Variants in ARHGAP44 observed in about 807,000 individuals in gnomAD.
ARHGAP44 encodes Rho GTPase activating protein 44.
Under a neutral mutation model 106.8 loss-of-function variants are expected in ARHGAP44, and 43 were observed. That is an observed-to-expected ratio of 0.40 (90% confidence interval 0.32 to 0.52). The LOEUF (loss-of-function observed/expected upper bound fraction) is 0.52. Ranked by LOEUF, ARHGAP44 falls within the 20% of genes least tolerant of loss-of-function variation. ARHGAP44 has a pLI of 0.48. For missense variants in ARHGAP44, 866 were observed against 1,050.5 expected (o/e 0.82, Z 2.43); for synonymous variants, 439 against 410.3 (o/e 1.07, Z -0.85).
intron 1 of ARHGAP44, among the ~76,000 whole-genome samples, chr17:12,798,168 C>T (rs936547040): frequency 1.1e-4 from 17 of 152,102 alleles, no homozygotes; most frequent in Non-Finnish European, 2.9e-5. Flanking sequence ...GTATTTTCCT[C>T]TCTGGTGGTT....
intron 18 of ARHGAP44, among the ~76,000 whole-genome samples, chr17:12,979,160 T>C (rs981639434): frequency 6.6e-6 from 1 of 152,180 alleles, no homozygotes; most frequent in African/African-American, 2.4e-5. Context: ...ACCTGGAGAA[T>C]TTTCTTGGAA....
In ARHGAP44 at chr17:12,950,880, T is replaced by C. The variant is rs531624097; in HGVS notation, c.1055+1150T>C. ...CAACAACACCATGAGGAACAGGTGTTGTTTCTCATTACCTGTCAGGAACAA... is the reference window on the plus strand; with the variant it reads ...CAACAACACCATGAGGAACAGGTGTCGTTTCTCATTACCTGTCAGGAACAA... On this transcript the variant is annotated intron_variant, in intron 12 of 20. Transcript: ENST00000379672. Among the ~76,000 whole-genome samples, 8 of 152,272 alleles carry C rather than the reference T, an allele frequency of 5.3e-5. No homozygotes were observed. In the South Asian group the frequency reaches 1.5e-3, roughly 28 times the overall value.
At chr17:12,955,690 G>A (rs993816384) in intron 13 of ARHGAP44, 177 bp from the exon 14 acceptor site, 4 of 534,700 alleles carry the variant, frequency 7.5e-6, no homozygotes, top group African/African-American at 5.7e-5. Flanking sequence ...GCCTGTTTTT[G>A]GAAAGAGGAT....
intron 7 of ARHGAP44, among the ~76,000 whole-genome samples, chr17:12,937,577 G>A (rs1303688383): frequency 6.6e-6 from 1 of 152,040 alleles, no homozygotes; most frequent in African/African-American, 2.4e-5. Context: ...CAATTTTCAG[G>A]GCAGCAGTTT....
chr17:12,959,549 T>C (rs931913786), intron 16 of ARHGAP44, among the ~76,000 whole-genome samples: 1 of 152,204 alleles, frequency 6.6e-6, no homozygotes, highest in African/African-American at 2.4e-5. Context: ...ATGATTCCCA[T>C]AGCAAGTAAG....
chr17:12,841,639 C>CACACACACAAAAAAAAAA (rs1555546108), intron 1 of ARHGAP44, among the ~76,000 whole-genome samples: 2 of 137,470 alleles, frequency 1.5e-5, no homozygotes, highest in African/African-American at 2.9e-5. Flanking sequence ...CACACACACA[C>CACACACACAAAAAAAAAA]AAACAAACAA....
At chr17:12,943,490 C>T (rs573960527) in intron 8 of ARHGAP44, 98 bp from the exon 9 acceptor site, 18 of 1,068,540 alleles carry the variant, frequency 1.7e-5, no homozygotes, top group East Asian at 7.2e-5. Flanking sequence ...TACCTCCTTC[C>T]GCATGTGGAA....
At chr17:12,800,293 C>T (rs1385956914) in intron 1 of ARHGAP44, among the ~76,000 whole-genome samples, 1 of 152,222 alleles carries the variant, frequency 6.6e-6, no homozygotes, top group African/African-American at 2.4e-5. Context: ...GAAGGCAGCA[C>T]CTTGAGGTAT....
chr17:12,943,960 C>A, intron 9 of ARHGAP44, 109 bp from the exon 10 acceptor site: 1 of 1,397,170 alleles, frequency 7.2e-7, no homozygotes, highest in Non-Finnish European at 9.5e-7. Context: ...AATTGGGCCT[C>A]CCTCTCTTTG....
chr17:12,916,173 A>T (rs1250184164), intron 5 of ARHGAP44, among the ~76,000 whole-genome samples, 162 bp downstream of exon 5: 1 of 152,094 alleles, frequency 6.6e-6, no homozygotes, highest in Admixed American at 6.6e-5. Flanking sequence ...AAGATTCCCA[A>T]ATATGTCCTT....
At chr17:12,907,652 C>A (rs893384180) in intron 3 of ARHGAP44, among the ~76,000 whole-genome samples, 2 of 152,152 alleles carry the variant, frequency 1.3e-5, no homozygotes, top group African/African-American at 4.8e-5. Context: ...TGCAGCATTC[C>A]CTTTTTCATG....
chr17:12,851,730 T>C (rs56657401), intron 1 of ARHGAP44, among the ~76,000 whole-genome samples: 51,001 of 151,978 alleles, frequency 0.34, 10,664 homozygotes, highest in African/African-American at 0.59. Context: ...CCACTGCGCC[T>C]GGCCTGTCTT....
At chr17:12,938,239 T>A (rs1375334787) in intron 7 of ARHGAP44, among the ~76,000 whole-genome samples, 1 of 152,200 alleles carries the variant, frequency 6.6e-6, no homozygotes, top group Non-Finnish European at 1.5e-5. Flanking sequence ...TGAGAAGAGT[T>A]AATATTATAA....
Position 12,810,726 on chromosome 17 carries a change from G to A in ARHGAP44, c.53+20835G>A, listed in dbSNP as rs75225186. Among the ~76,000 whole-genome samples, 73 of 152,236 alleles carry A rather than the reference G, an allele frequency of 4.8e-4. 2 individuals carry two copies. The East Asian group carries it at 0.014, about 28-fold the overall frequency. ...CCTGCAATTCCACGAGGAATCCCCT[G>A]CTCTCCACCCCAGACCTTTCCCTGT... On this transcript the variant is annotated intron_variant, in intron 1 of 20. Transcript: ENST00000379672.
At chr17:12,890,521 G>T (rs562768499) in intron 1 of ARHGAP44, among the ~76,000 whole-genome samples, 1 of 152,166 alleles carries the variant, frequency 6.6e-6, no homozygotes, top group South Asian at 2.1e-4. Flanking sequence ...GTGAACCCAT[G>T]GAAGGCATCT....
In ARHGAP44 at chr17:12,933,381, A is replaced by T. The variant is rs144030063; in HGVS notation, c.582+4335A>T. ...TTTGGGAACCAGAGAGATTTAGCCC[A>T]CCAGGAAAACCAAGTCAAGATGTGT... On this transcript the variant is annotated intron_variant, in intron 7 of 20. Transcript: ENST00000379672. Among the ~76,000 whole-genome samples, 868 of 152,292 alleles carry T rather than the reference A, an allele frequency of 5.7e-3. 3 individuals carry two copies. The highest frequency in any genetic ancestry group is 0.017 in the Middle Eastern group (5 of 294).
At chr17:12,823,384 C>T (rs977569867) in intron 1 of ARHGAP44, among the ~76,000 whole-genome samples, 1 of 152,116 alleles carries the variant, frequency 6.6e-6, no homozygotes, top group African/African-American at 2.4e-5. Flanking sequence ...TTTTTACTTT[C>T]CTCAAACTTC....
Position 12,789,784 on chromosome 17 carries a change from T to C in ARHGAP44, c.-55T>C, listed in dbSNP as rs2033676343. 3.4e-6 allele frequency: 5 copies of C among 1,450,882 alleles called. No individual in the cohort carries two copies. In the Admixed American group the frequency reaches 1.2e-4, roughly 34 times the overall value. 89.9% of individuals were successfully genotyped at this position (1,450,882 alleles called of 1,614,324 possible). On this transcript the variant is annotated 5_prime_UTR_variant, in exon 1 of 21. Coordinates refer to ENST00000379672, the MANE Select transcript of ARHGAP44 (RefSeq NM_014859.6). ...GGAGCCATGTAACCCTGCGGCGGGC[T>C]CCGGGCTGCTCCGTCCTTCCCCAGC... is the stretch of plus-strand genomic sequence containing the variant.
chr17:12,790,222 C>T (rs1323020763), intron 1 of ARHGAP44: 4 of 330,322 alleles, frequency 1.2e-5, no homozygotes, highest in Non-Finnish European at 2.2e-5. Flanking sequence ...GCCTGTCTTC[C>T]TGGAAACAGG....
Sources: gnomAD v4.1 joint callset for allele counts (sites outside exome capture counted in the v4.1 genomes callset) on GRCh38, gnomAD v4.1.1 for gene constraint, MANE v1.5 for transcripts, NCBI Gene and HGNC (gene_info 2026-07-23, HGNC 2026-07-21) for gene names.